ITGB8: variants seen among roughly 807,000 people sequenced by gnomAD.
ITGB8 encodes integrin subunit beta 8, also known as integrin beta-8.
Under a neutral mutation model 89.5 loss-of-function variants are expected in ITGB8, and 30 were observed. The ratio of observed to expected loss-of-function variants is 0.34; its 90% CI spans 0.25 to 0.45. The LOEUF is 0.45. Ranked by LOEUF, ITGB8 falls within the 20% of genes least tolerant of loss-of-function variation. ITGB8 has a pLI of 1.00. For synonymous variants in ITGB8, 335 were observed against 320.4 expected (o/e 1.05, Z -0.49); for missense variants, 836 against 933.3 (o/e 0.90, Z 1.36).
rs1001214705 is a variant in ITGB8, at chr7:20,404,667, G to C, written c.1727G>C (p.Ser576Thr). The C allele has an allele frequency of 6.2e-7, 1 of 1,614,044 alleles. No homozygotes were observed. The highest frequency in any genetic ancestry group is 2.2e-5 in the East Asian group (1 of 44,876). The change falls in exon 11 of 14, where the codon AGT becomes ACT. Residue 576 changes from serine (S) to threonine (T), a missense_variant. By Grantham distance (58) the Ser-to-Thr change is moderately conservative. This residue lies in a region of ITGB8 where 422 missense variants were observed against 416.9 expected (regional missense o/e 1.01). Coordinates refer to ENST00000222573, the MANE Select transcript of ITGB8 (RefSeq NM_002214.3). ...GAAGCAGGCAGATGCCAATGCTTCAGTGGCTGGGAAGGTGATCGATGCCAG... is the reference window on the plus strand; with the variant it reads ...GAAGCAGGCAGATGCCAATGCTTCACTGGCTGGGAAGGTGATCGATGCCAG... The part of the protein sequence containing the change: ...ECEAGRCQCF[S>T]GWEGDRCQCP...
At chr7:20,371,550 A>G (rs1420355618) in intron 3 of ITGB8, among the ~76,000 whole-genome samples, 1 of 152,172 alleles carries the variant, frequency 6.6e-6, no homozygotes, top group Non-Finnish European at 1.5e-5. Flanking sequence ...TATAAGATCC[A>G]TTGTGCTACC....
chr7:20,383,065 C>G (rs1291348646), intron 6 of ITGB8, among the ~76,000 whole-genome samples: 1 of 152,156 alleles, frequency 6.6e-6, no homozygotes, highest in Non-Finnish European at 1.5e-5. Flanking sequence ...CAAGACACCT[C>G]ACACACAGTT....
At chr7:20,380,315 C>G (rs1345969780) in intron 4 of ITGB8, 1 of 171,416 alleles carries the variant, frequency 5.8e-6, no homozygotes, top group Non-Finnish European at 1.2e-5. Flanking sequence ...AGAAGTGTTT[C>G]TCAGCTGTTC....
chr7:20,405,327 ATT>A (rs1554314517), intron 11 of ITGB8, among the ~76,000 whole-genome samples: 5 of 139,198 alleles, frequency 3.6e-5, no homozygotes, highest in African/African-American at 8.5e-5. Context: ...ATATATATAT[ATT>A]TTTTTTTTGT....
At chr7:20,382,042 C>G (rs749786021) in intron 6 of ITGB8, 157 bp downstream of exon 6, 6 of 546,260 alleles carry the variant, frequency 1.1e-5, no homozygotes, top group African/African-American at 1.9e-5. Flanking sequence ...ACAGTGCAAT[C>G]TATAAATACT....
intron 1 of ITGB8, among the ~76,000 whole-genome samples, chr7:20,341,693 C>G (rs1784760269): frequency 6.6e-6 from 1 of 152,134 alleles, no homozygotes; most frequent in African/African-American, 2.4e-5. Flanking sequence ...TGGGCCCACC[C>G]ACCCTTTTAG....
chr7:20,347,770 T>C (rs1784977721), intron 1 of ITGB8, among the ~76,000 whole-genome samples: 1 of 152,046 alleles, frequency 6.6e-6, no homozygotes. Flanking sequence ...AGGTACCAAT[T>C]TGGTGGTCAT....
At chr7:20,404,913 C>G (rs1275459115) in intron 11 of ITGB8, 60 bp downstream of exon 11, 2 of 1,418,894 alleles carry the variant, frequency 1.4e-6, no homozygotes, top group South Asian at 2.3e-5. Flanking sequence ...CTTTTTCGTT[C>G]TGACTTCCTT....
chr7:20,394,026 G>T (rs966717926), intron 7 of ITGB8, among the ~76,000 whole-genome samples: 1 of 152,150 alleles, frequency 6.6e-6, no homozygotes, highest in African/African-American at 2.4e-5. Context: ...TCTCCAAAGT[G>T]TATAAAGTAG....
Position 20,401,732 on chromosome 7 carries a change from T to G in ITGB8, c.1293T>G (p.Asn431Lys). The G allele has an allele frequency of 6.4e-7, 1 of 1,552,372 alleles. No homozygotes were observed. Among genetic ancestry groups the G allele is most frequent in the Non-Finnish European group, 8.6e-7 (1 of 1,156,098 alleles). The change falls in exon 10 of 14, where the codon AAT (asparagine) becomes AAG (lysine). Residue 431 changes from asparagine to lysine, a missense_variant. Around this residue, in one of 5 missense-constraint regions of ITGB8, gnomAD observed 422 missense variants for 416.9 expected, o/e 1.01. Transcript: ENST00000222573. ...CCTCCTAAATTTAGGTTCTTTTCAA[T>G]GTAACAGTTACAATGAAAAAATGTG... ...NVTSNDEVLFNVTVTMKKCDV... is the reference protein window; with the variant it reads ...NVTSNDEVLFKVTVTMKKCDV...
At chr7:20,334,541 C>T (rs940484494) in intron 1 of ITGB8, among the ~76,000 whole-genome samples, 11 of 151,970 alleles carry the variant, frequency 7.2e-5, no homozygotes, top group African/African-American at 2.7e-4. Flanking sequence ...TTATTATTTT[C>T]AACAACAATC....
At position 20,331,706 on chromosome 7, in the gene ITGB8, T is replaced by C. The variant is rs1784401462; in HGVS notation, c.-101T>C. On this transcript the variant is annotated 5_prime_UTR_variant, in exon 1 of 14. An upstream open reading frame in the 5' UTR loses its in-frame stop. Transcript: ENST00000222573. ...CCTGCTAGGCCTGCGGAAAACGTCCTAGCGACACTCGGCCCGCGGGCCCCG... is the reference window on the plus strand; with the variant it reads ...CCTGCTAGGCCTGCGGAAAACGTCCCAGCGACACTCGGCCCGCGGGCCCCG... 1.4e-6 allele frequency: 2 copies of C among 1,390,822 alleles called. No individual in the cohort carries two copies. The allele number at this position is 1,390,822 out of a possible 1,614,324, so 86.2% of individuals were successfully genotyped here.
At position 20,412,831 on chromosome 7, in the gene ITGB8, G is replaced by A. The variant is rs563875025; in HGVS notation, c.*2834G>A. 12 of 152,628 alleles carry A rather than the reference G, an allele frequency of 7.9e-5. No homozygotes were observed. The East Asian group carries it at 2.3e-3, about 29-fold the overall frequency. The allele number at this position is 152,628 out of a possible 1,614,324, so 9.5% of individuals were successfully genotyped here. ...TAATTAAATGGTAAGGGAACACAGGGTACTCTTAGGTTAAATAATGTATGC... is the reference window on the plus strand; with the variant it reads ...TAATTAAATGGTAAGGGAACACAGGATACTCTTAGGTTAAATAATGTATGC... On this transcript the variant is annotated 3_prime_UTR_variant, in exon 14 of 14. Coordinates refer to ENST00000222573, the MANE Select transcript of ITGB8 (RefSeq NM_002214.3).
chr7:20,387,717 A>C (rs1452803655), intron 6 of ITGB8, among the ~76,000 whole-genome samples: 4 of 152,200 alleles, frequency 2.6e-5, no homozygotes, highest in African/African-American at 7.2e-5. Context: ...CCTTTGTCAA[A>C]TAAAAAATAT....
At chr7:20,363,907 A>T (rs1785597179) in intron 2 of ITGB8, among the ~76,000 whole-genome samples, 185 bp downstream of exon 2, 1 of 152,214 alleles carries the variant, frequency 6.6e-6, no homozygotes, top group Non-Finnish European at 1.5e-5. Context: ...ATAAATCATA[A>T]CATTTTTATT....
intron 2 of ITGB8, chr7:20,366,556 G>A (rs1476341037): frequency 6.4e-6 from 1 of 155,222 alleles, no homozygotes; most frequent in Non-Finnish European, 1.4e-5. Flanking sequence ...CCTAAGGTCA[G>A]GAGTTTGAGA....
chr7:20,409,242 T>C (rs572026635), intron 12 of ITGB8, among the ~76,000 whole-genome samples: 1 of 152,228 alleles, frequency 6.6e-6, no homozygotes, highest in African/African-American at 2.4e-5. Flanking sequence ...CATTTAGTGA[T>C]CAACAGTACG....
At chr7:20,330,291 C>T (rs1357275102), upstream of ITGB8, among the ~76,000 whole-genome samples, 1 of 152,240 alleles carries the variant, frequency 6.6e-6, no homozygotes, top group Non-Finnish European at 1.5e-5. Context: ...CTCCTAACTG[C>T]AAGCAAAGTG....
At chr7:20,396,763 A>G (rs1225679925) in intron 8 of ITGB8, among the ~76,000 whole-genome samples, 1 of 152,240 alleles carries the variant, frequency 6.6e-6, no homozygotes, top group Non-Finnish European at 1.5e-5. Flanking sequence ...CTCCAAAAAA[A>G]GTATATAAAT....
Sources: allele counts gnomAD v4.1 joint callset (sites outside exome capture counted in the v4.1 genomes callset), GRCh38; gene constraint gnomAD v4.1.1; regional missense constraint gnomAD v4.1.1; transcripts MANE v1.5; gene names NCBI Gene and HGNC (gene_info 2026-07-23, HGNC 2026-07-21).